NUAK1: variants seen among roughly 807,000 people sequenced by gnomAD.
NUAK1 encodes the protein NUAK family kinase 1, also known as NUAK family SNF1-like kinase 1.
NUAK1 carries 26 observed loss-of-function variants against 56.9 expected under a neutral mutation model. The ratio of observed to expected loss-of-function variants is 0.46; its 90% CI spans 0.33 to 0.63. The LOEUF is 0.63. NUAK1 is among the 30% of genes least tolerant of loss of function. The probability of loss-of-function intolerance (pLI) is 0.02; values close to 1 mark genes in which losing one functional copy is unlikely to be tolerated. For synonymous variants in NUAK1, 337 were observed against 336.0 expected, an observed-to-expected ratio of 1.00 and a Z score of -0.03; for missense variants, 727 against 876.1, an observed-to-expected ratio of 0.83 and a Z score of 2.15.
intron 1 of NUAK1, among the ~76,000 whole-genome samples, chr12:106,127,416 G>A (rs1003473533): frequency 6.6e-6 from 1 of 152,132 alleles, no homozygotes; most frequent in African/African-American, 2.4e-5. Flanking sequence ...TGATCCCCCT[G>A]CCTCCCAAAG....
intron 1 of NUAK1, among the ~76,000 whole-genome samples, chr12:106,113,715 T>C (rs2032888788): frequency 6.6e-6 from 1 of 150,654 alleles, no homozygotes; most frequent in South Asian, 2.2e-4. Context: ...CTTCCATTTA[T>C]ACACAGAGGA....
chr12:106,129,741 A>G (rs1304612518), intron 1 of NUAK1, among the ~76,000 whole-genome samples: 1 of 152,168 alleles, frequency 6.6e-6, no homozygotes, highest in Non-Finnish European at 1.5e-5. Context: ...AGAGCCTACT[A>G]TGCACCAGGC....
intron 1 of NUAK1, among the ~76,000 whole-genome samples, chr12:106,106,850 T>C (rs1245723867): frequency 6.6e-6 from 1 of 152,084 alleles, no homozygotes; most frequent in Non-Finnish European, 1.5e-5. Flanking sequence ...CCTGATGCTT[T>C]GAAAAAAGAA....
intron 2 of NUAK1, among the ~76,000 whole-genome samples, chr12:106,096,582 G>C (rs2032699174): frequency 6.6e-6 from 1 of 152,154 alleles, no homozygotes; most frequent in Non-Finnish European, 1.5e-5. Flanking sequence ...TATTTGCCAT[G>C]GGTTCAAAGG....
intron 1 of NUAK1, among the ~76,000 whole-genome samples, chr12:106,126,616 T>G (rs560126681): frequency 1.3e-5 from 2 of 152,380 alleles, no homozygotes; most frequent in Non-Finnish European, 2.9e-5. Flanking sequence ...AGGTTAGCTT[T>G]ATTTGTTCAT....
chr12:106,072,580 C>T, intron 5 of NUAK1, 144 bp downstream of exon 5: 1 of 912,966 alleles, frequency 1.1e-6, no homozygotes, highest in Non-Finnish European at 1.6e-6. Flanking sequence ...ACATTAACTG[C>T]TTTTATAATC....
At chr12:106,108,784 G>A (rs998153220) in intron 1 of NUAK1, among the ~76,000 whole-genome samples, 3 of 152,186 alleles carry the variant, frequency 2.0e-5, no homozygotes, top group African/African-American at 7.2e-5. Context: ...AGGGTCAGAG[G>A]AGGGTAGCAA....
chr12:106,070,191 T>C (rs529313772), intron 6 of NUAK1, among the ~76,000 whole-genome samples: 1 of 152,284 alleles, frequency 6.6e-6, no homozygotes, highest in South Asian at 2.1e-4. Flanking sequence ...CCAACTGCCA[T>C]CTGCTTACAA....
intron 4 of NUAK1, among the ~76,000 whole-genome samples, chr12:106,081,005 G>A (rs1388765150): frequency 6.6e-6 from 1 of 152,240 alleles, no homozygotes; most frequent in Non-Finnish European, 1.5e-5. Context: ...TATACCACCA[G>A]AAGACAAATC....
chr12:106,113,104 A>T (rs1167596313), intron 1 of NUAK1, among the ~76,000 whole-genome samples: 1 of 152,194 alleles, frequency 6.6e-6, no homozygotes, highest in Non-Finnish European at 1.5e-5. Flanking sequence ...AGGGACAGTC[A>T]TTCCTTGGTC....
intron 2 of NUAK1, among the ~76,000 whole-genome samples, chr12:106,090,342 A>C (rs2032623136): frequency 6.6e-6 from 1 of 152,196 alleles, no homozygotes; most frequent in Non-Finnish European, 1.5e-5. Context: ...CTAGATTTCA[A>C]GCCTCAGTGT....
Position 106,124,760 on chromosome 12 carries a change from A to T in NUAK1, c.240+13654T>A, listed in dbSNP as rs545197336. Reference sequence around the variant, plus strand: ...TGTGGTGGCTCATGACTGTAACCCCAGCACTACAGGAGGCTGAGGCAGGTG... The same window carrying T: ...TGTGGTGGCTCATGACTGTAACCCCTGCACTACAGGAGGCTGAGGCAGGTG... On this transcript the variant is annotated intron_variant, in intron 1 of 6. Transcript: ENST00000261402. Among the ~76,000 whole-genome samples, 40 of 152,246 alleles carry T rather than the reference A, an allele frequency of 2.6e-4. 1 individual carries two copies. The highest frequency in any genetic ancestry group is 9.4e-4 in the African/African-American group (39 of 41,520).
intron 2 of NUAK1, among the ~76,000 whole-genome samples, chr12:106,095,399 G>A (rs2032687049): frequency 6.6e-6 from 1 of 152,186 alleles, no homozygotes; most frequent in African/African-American, 2.4e-5. Context: ...TTGGCACAGG[G>A]ATTCATCTCA....
At chr12:106,104,729 G>A (rs780843833) in intron 2 of NUAK1, among the ~76,000 whole-genome samples, 33 of 152,108 alleles carry the variant, frequency 2.2e-4, no homozygotes, top group Admixed American at 8.5e-4. Flanking sequence ...CTCCAAAAAT[G>A]AGCCTTCAAA....
chr12:106,066,752 G>A lies in NUAK1; in HGVS notation c.*50C>T, dbSNP rs2032342851. ...TAACCAGCCTGTGAGCCCAAGTCTT[G>A]CTCCCCTTCCTCCCTCGTACCCCCG... On this transcript the variant is annotated 3_prime_UTR_variant, in exon 7 of 7. Transcript: ENST00000261402. 1 of 1,423,176 alleles carries A rather than the reference G, an allele frequency of 7.0e-7. No individual in the cohort carries two copies. The allele number at this position is 1,423,176 out of a possible 1,614,324, so 88.2% of individuals were successfully genotyped here.
chr12:106,094,377 G>C (rs1235610344), intron 2 of NUAK1, among the ~76,000 whole-genome samples: 4 of 152,184 alleles, frequency 2.6e-5, no homozygotes, highest in Non-Finnish European at 4.4e-5. Context: ...CAAAAATGAA[G>C]TGATCTTTTC....
intron 1 of NUAK1, among the ~76,000 whole-genome samples, chr12:106,128,585 C>T (rs1039823245): frequency 6.6e-6 from 1 of 152,230 alleles, no homozygotes; most frequent in Non-Finnish European, 1.5e-5. Flanking sequence ...TTCGTTTGAA[C>T]CTGCTGCAAT....
At chr12:106,134,564 A>C (rs547660762) in intron 1 of NUAK1, among the ~76,000 whole-genome samples, 1 of 152,218 alleles carries the variant, frequency 6.6e-6, no homozygotes, top group South Asian at 2.1e-4. Flanking sequence ...CACACCACCT[A>C]CTGCTCACTA....
rs2032326538 is a variant in NUAK1 at position 106,065,442 on chromosome 12, AAC to A, written c.*1358_*1359del. ...TCCTCCCAACCCCCTGCACTCTTTC[AAC>A]ACCTTATTCATTTAAATGAATGGAA... On this transcript the variant is annotated 3_prime_UTR_variant, in exon 7 of 7. Transcript: ENST00000261402. 6.6e-6 allele frequency: 1 copy of A among 151,936 alleles called. No homozygotes were observed. The highest frequency in any genetic ancestry group is 2.1e-4 in the South Asian group (1 of 4,802). 9.4% of individuals were successfully genotyped at this position (151,936 alleles called of 1,614,324 possible).
Sources: gnomAD v4.1 joint callset for allele counts (sites outside exome capture counted in the v4.1 genomes callset) on GRCh38, gnomAD v4.1.1 for gene constraint, MANE v1.5 for transcripts, NCBI Gene and HGNC (gene_info 2026-07-23, HGNC 2026-07-21) for gene names.